Variants in S100PBP observed in about 807,000 individuals in gnomAD.
S100PBP encodes the protein S100P-binding protein.
A neutral mutation model predicts 39.9 loss-of-function variants in S100PBP; 15 were observed. The ratio of observed to expected loss-of-function variants is 0.38; its 90% CI spans 0.25 to 0.58. The LOEUF is 0.58. S100PBP is among the 20% of genes least tolerant of loss of function. S100PBP has a pLI of 0.70. For missense variants in S100PBP, 504 were observed against 487.3 expected, an observed-to-expected ratio of 1.03 and a Z score of -0.32; for synonymous variants, 178 against 180.3, an observed-to-expected ratio of 0.99 and a Z score of 0.10.
intron 5 of S100PBP, chr1:32,836,255 C>T (rs1639812917): frequency 6.6e-5 from 10 of 152,046 alleles, no homozygotes; most frequent in Admixed American, 5.9e-4. Context: ...GCCTCAGCCT[C>T]CCAAGTAGCT....
chr1:32,850,104 T>G (rs1640549834), intron 5 of S100PBP, among the ~76,000 whole-genome samples: 1 of 152,252 alleles, frequency 6.6e-6, no homozygotes, highest in Non-Finnish European at 1.5e-5. Context: ...CTTCTCATCA[T>G]TTAATGTGAA....
chr1:32,819,200 G>A (rs1638922636), intron 1 of S100PBP, among the ~76,000 whole-genome samples: 1 of 152,148 alleles, frequency 6.6e-6, no homozygotes, highest in African/African-American at 2.4e-5. Flanking sequence ...ACAGAATGGG[G>A]TCACAGAAAG....
At chr1:32,843,052 A>T (rs1640193637) in intron 5 of S100PBP, 1 of 152,288 alleles carries the variant, frequency 6.6e-6, no homozygotes, top group Admixed American at 6.5e-5. Flanking sequence ...TTTAGTTTTT[A>T]AAATTTCAGT....
chr1:32,840,049 A>G (rs1415858100), intron 5 of S100PBP, among the ~76,000 whole-genome samples: 1 of 152,024 alleles, frequency 6.6e-6, no homozygotes, highest in African/African-American at 2.4e-5. Context: ...CAGCGGTGCA[A>G]TCTCAGCTCA....
intron 5 of S100PBP, among the ~76,000 whole-genome samples, chr1:32,841,729 CAAAAAA>C (rs56267418): frequency 5.4e-5 from 3 of 55,168 alleles, no homozygotes; most frequent in Non-Finnish European, 7.5e-5. Flanking sequence ...AACTCTGTCT[CAAAAAA>C]AAAAAAAAAA....
At chr1:32,849,343 C>T (rs777562076) in intron 5 of S100PBP, among the ~76,000 whole-genome samples, 152 of 152,156 alleles carry the variant, frequency 1.0e-3, no homozygotes, top group Non-Finnish European at 1.7e-3. Context: ...CACCATGTTG[C>T]CCAGGCTGGT....
At chr1:32,820,222 C>T (rs967881596) in intron 1 of S100PBP, among the ~76,000 whole-genome samples, 2 of 139,586 alleles carry the variant, frequency 1.4e-5, no homozygotes, top group Non-Finnish European at 3.0e-5. Flanking sequence ...TCTCAGTTCA[C>T]TGCAACCTCC....
intron 5 of S100PBP, among the ~76,000 whole-genome samples, chr1:32,839,034 GTCC>G (rs1444304904): frequency 4.6e-5 from 7 of 152,062 alleles, no homozygotes; most frequent in African/African-American, 1.4e-4. Flanking sequence ...GGCTTAAGCA[GTCC>G]TCCTCCTCAG....
intron 5 of S100PBP, among the ~76,000 whole-genome samples, chr1:32,846,574 CCT>C (rs1222897127): frequency 6.6e-6 from 1 of 151,580 alleles, no homozygotes; most frequent in African/African-American, 2.4e-5. Context: ...ACTGCCTATA[CCT>C]CTTTGTTGTA....
chr1:32,822,620 CAAAAAAA>C (rs922887705), intron 1 of S100PBP, among the ~76,000 whole-genome samples: 11 of 77,774 alleles, frequency 1.4e-4, no homozygotes, highest in Middle Eastern at 7.2e-3. Flanking sequence ...GACTCCGTTT[CAAAAAAA>C]AAAAAAAAAA....
intron 1 of S100PBP, chr1:32,818,024 G>A (rs1230515905): frequency 1.3e-5 from 2 of 152,866 alleles, no homozygotes; most frequent in African/African-American, 4.8e-5. Context: ...CTCGGCGGGA[G>A]GCTGTTGCTG....
At chr1:32,848,735 C>T (rs1206361557) in intron 5 of S100PBP, among the ~76,000 whole-genome samples, 1 of 152,188 alleles carries the variant, frequency 6.6e-6, no homozygotes. Flanking sequence ...TCACTTTAAA[C>T]TTACTAAGAA....
intron 3 of S100PBP, among the ~76,000 whole-genome samples, chr1:32,827,671 G>T (rs1639392141): frequency 6.6e-6 from 1 of 151,892 alleles, no homozygotes; most frequent in African/African-American, 2.4e-5. Flanking sequence ...AGTGGAGACG[G>T]TGTTTCACCA....
At chr1:32,855,885 G>T in intron 6 of S100PBP, 39 bp from the exon 7 acceptor site, 1 of 1,427,128 alleles carries the variant, frequency 7.0e-7, no homozygotes, top group Non-Finnish European at 9.8e-7. Context: ...CATTCTAGTT[G>T]AAATAGCCTT....
chr1:32,827,970 T>C (rs1351996581), intron 3 of S100PBP, 23 bp from the exon 4 acceptor site: 1 of 1,508,806 alleles, frequency 6.6e-7, no homozygotes, highest in Non-Finnish European at 9.2e-7. Context: ...CCTTTCCTTT[T>C]GCATTCCTTT....
At chr1:32,817,599 G>A (rs892887170), upstream of S100PBP, 2 of 419,400 alleles carry the variant, frequency 4.8e-6, no homozygotes, top group African/African-American at 4.0e-5. Flanking sequence ...GCTGACTCGG[G>A]GTAGGGGAGG....
chr1:32,850,048 G>T (rs1221661637), intron 5 of S100PBP, among the ~76,000 whole-genome samples: 3 of 152,154 alleles, frequency 2.0e-5, no homozygotes, highest in Non-Finnish European at 4.4e-5. Flanking sequence ...TTGATTCCTA[G>T]AAGTTAAATA....
intron 5 of S100PBP, chr1:32,843,065 C>T (rs368833036): frequency 6.6e-6 from 1 of 152,060 alleles, no homozygotes; most frequent in East Asian, 1.9e-4. Flanking sequence ...ATTTCAGTAT[C>T]TGTTCATTGC....
At position 32,856,007 on chromosome 1, in the gene S100PBP, TCCAGCGTCTC is replaced by T. The variant is rs1640806179; in HGVS notation, c.1201_1210del (p.Arg401ThrfsTer61). 1 of 1,613,480 alleles carries T rather than the reference TCCAGCGTCTC, an allele frequency of 6.2e-7. No individual in the cohort carries two copies. The highest frequency in any genetic ancestry group is 8.5e-7 in the Non-Finnish European group (1 of 1,179,526). On this transcript the variant is annotated frameshift_variant, in exon 7 of 7. Coordinates refer to ENST00000373475, the MANE Select transcript of S100PBP (RefSeq NM_022753.4). LOFTEE classifies it high-confidence loss of function. ...AGGAACATGCGAAGCCACCATCGGT[TCCAGCGTCTC>T]CCAGACTTCTCGTACAGTTAATTTG...
Sources: allele counts gnomAD v4.1 joint callset (sites outside exome capture counted in the v4.1 genomes callset), GRCh38; gene constraint gnomAD v4.1.1; transcripts MANE v1.5; gene names NCBI Gene and HGNC (gene_info 2026-07-23, HGNC 2026-07-21).